Variants in PPARA observed in about 807,000 individuals in gnomAD.
PPARA encodes the protein peroxisome proliferator activated receptor alpha.
PPARA carries 22 observed loss-of-function variants against 42.2 expected under a neutral mutation model. That is an observed-to-expected ratio of 0.52 (90% CI 0.37 to 0.74). PPARA has a LOEUF of 0.74. PPARA is among the 30% of genes least tolerant of loss of function. PPARA has a pLI of 0.00. For missense variants in PPARA, 465 were observed against 608.2 expected, an observed-to-expected ratio of 0.76 and a Z score of 2.48; for synonymous variants, 242 against 239.3, an observed-to-expected ratio of 1.01 and a Z score of -0.10.
Position 46,193,830 on chromosome 22 carries a change from T to G in PPARA, c.-42-4512T>G, listed in dbSNP as rs1931871066. On this transcript the variant is annotated intron_variant, in intron 3 of 8. Transcript: ENST00000407236. This position sits in a 1 kb window ranked among gnomAD's most constrained non-coding sequence, Gnocchi z 5.3. ...AGATCTAATTCAGTGCTGTTTGCAT[T>G]GTCTTGCCTCCTGGACCAGAGGTTG... Among the ~76,000 whole-genome samples, 1 of 152,194 alleles carries G rather than the reference T, an allele frequency of 6.6e-6. No homozygotes were observed. The highest frequency in any genetic ancestry group is 1.5e-5 in the Non-Finnish European group (1 of 68,028).
chr22:46,157,049 C>G (rs1244726183), intron 2 of PPARA, among the ~76,000 whole-genome samples: 1 of 152,152 alleles, frequency 6.6e-6, no homozygotes, highest in Non-Finnish European at 1.5e-5. Flanking sequence ...GTGAATCTCC[C>G]CATGCCTGGA....
At position 46,192,665 on chromosome 22, in the gene PPARA, G is replaced by T. The variant is rs1931720433; in HGVS notation, c.-42-5677G>T. On this transcript the variant is annotated intron_variant, in intron 3 of 8. Transcript: ENST00000407236. This position sits in a 1 kb window ranked among gnomAD's most constrained non-coding sequence, Gnocchi z 4.3. ...TAAATTGGAAGGGAAATGTCAAAAA[G>T]ATACCTGCACTCTTGTTTGTTGCAA... is the stretch of plus-strand genomic sequence containing the variant. 6.6e-6 allele frequency among the ~76,000 whole-genome samples: 1 copy of T among 152,194 alleles called. No homozygotes were observed. Among genetic ancestry groups the T allele is most frequent in the Non-Finnish European group, 1.5e-5 (1 of 68,026 alleles).
At position 46,225,063 on chromosome 22, in the gene PPARA, G is replaced by T. The variant is rs1030613290; in HGVS notation, c.711+5049G>T. ...GGGTTGGAACCGGCCAGGGTGCACG[G>T]AGGAGGCTGTGGGGGCAGGGGGAGG... On this transcript the variant is annotated intron_variant, in intron 7 of 8. Coordinates refer to ENST00000407236, the MANE Select transcript of PPARA (RefSeq NM_005036.6). This position sits in a 1 kb window ranked among gnomAD's most constrained non-coding sequence, Gnocchi z 4.1. Among the ~76,000 whole-genome samples, 1 of 152,110 alleles carries T rather than the reference G, an allele frequency of 6.6e-6. No individual in the cohort carries two copies. Among genetic ancestry groups the T allele is most frequent in the Non-Finnish European group, 1.5e-5 (1 of 68,012 alleles).
chr22:46,211,011 G>A lies in PPARA; in HGVS notation c.209-4162G>A, dbSNP rs952568564. ...TCAGTGATCTTCCACTGTGGGAGGC[G>A]AGAGCAGGACTATATCCAGCTCCAT... On this transcript the variant is annotated intron_variant, in intron 4 of 8. Transcript: ENST00000407236. This position sits in a 1 kb window ranked among gnomAD's most constrained non-coding sequence, Gnocchi z 4.1. 5.3e-5 allele frequency among the ~76,000 whole-genome samples: 8 copies of A among 152,124 alleles called. No homozygotes were observed. Among genetic ancestry groups the A allele is most frequent in the Non-Finnish European group, 8.8e-5 (6 of 68,032 alleles).
At position 46,167,214 on chromosome 22, in the gene PPARA, A is replaced by G. The variant is rs1461050228; in HGVS notation, c.-126-9539A>G. On this transcript the variant is annotated intron_variant, in intron 2 of 8. Coordinates refer to ENST00000407236, the MANE Select transcript of PPARA (RefSeq NM_005036.6). This position sits in a 1 kb window ranked among gnomAD's most constrained non-coding sequence, Gnocchi z 4.1. ...ACCTCAACCTTCAGCTCACAGCACTACAAACTCATAATTATTATCATTATA... is the reference window on the plus strand; with the variant it reads ...ACCTCAACCTTCAGCTCACAGCACTGCAAACTCATAATTATTATCATTATA... Among the ~76,000 whole-genome samples, 1 of 151,678 alleles carries G rather than the reference A, an allele frequency of 6.6e-6. No homozygotes were observed. Among genetic ancestry groups the G allele is most frequent in the East Asian group, 1.9e-4 (1 of 5,198 alleles).
At position 46,200,181 on chromosome 22, in the gene PPARA, A is replaced by C. The variant is rs907412299; in HGVS notation, c.208+1590A>C. Among the ~76,000 whole-genome samples, 3 of 152,296 alleles carry C rather than the reference A, an allele frequency of 2.0e-5. No homozygotes were observed. The South Asian group carries it at 6.2e-4, about 32-fold the overall frequency. On this transcript the variant is annotated intron_variant, in intron 4 of 8. Transcript: ENST00000407236. The surrounding 1 kb of genome is among the most constrained non-coding windows in gnomAD (Gnocchi z 4.8). ...TCCCATGGGGACTGTAATTCTCTCT[A>C]GGTTGTATATTTTTAAAAGACTTCA...
At chr22:46,169,531 G>A (rs912137441) in intron 2 of PPARA, among the ~76,000 whole-genome samples, 2 of 151,894 alleles carry the variant, frequency 1.3e-5, no homozygotes, top group African/African-American at 4.8e-5. Flanking sequence ...ATCACGCCCG[G>A]CCACCAATGC....
intron 2 of PPARA, among the ~76,000 whole-genome samples, chr22:46,152,284 G>T (rs539679991): frequency 1.1e-3 from 171 of 152,006 alleles, no homozygotes; most frequent in African/African-American, 3.7e-3. Flanking sequence ...GATTACAGGC[G>T]CCTGCCACCA....
At position 46,240,087 on chromosome 22, in the gene PPARA, G is replaced by A. The variant is rs1208715722; in HGVS notation, c.*4707G>A. 5 of 398,656 alleles carry A rather than the reference G, an allele frequency of 1.3e-5. No individual in the cohort carries two copies. The highest frequency in any genetic ancestry group is 6.2e-4 in the Middle Eastern group (1 of 1,610). 24.7% of individuals were successfully genotyped at this position (398,656 alleles called of 1,614,324 possible). A position where few individuals can be genotyped will look rare whatever the true frequency, so the allele number is the denominator to read the frequency against. ...TTGGTGGGGGGCTTCCTGGGGCCTG[G>A]GGAAAGCTGGCCACCTTCAACAGCT... On this transcript the variant is annotated 3_prime_UTR_variant, in exon 9 of 9. Coordinates refer to ENST00000407236, the MANE Select transcript of PPARA (RefSeq NM_005036.6). This position sits in a 1 kb window ranked among gnomAD's most constrained non-coding sequence, Gnocchi z 6.0.
intron 5 of PPARA, among the ~76,000 whole-genome samples, chr22:46,217,796 C>T (rs368152595): frequency 6.2e-4 from 84 of 136,130 alleles, no homozygotes; most frequent in African/African-American, 2.3e-3. Context: ...TCATTCCAGA[C>T]TTCTTAGAAG....
In PPARA at chr22:46,212,571, A is replaced by G. The variant is rs1014741483; in HGVS notation, c.209-2602A>G. Among the ~76,000 whole-genome samples the G allele has an allele frequency of 6.6e-6, 1 of 152,234 alleles. No homozygotes were observed. Reference sequence around the variant, plus strand: ...TCATAGCAATATGCATTTAAGAGTCATCCATGTCTTTCCATGGCTTGATAT... The same window carrying G: ...TCATAGCAATATGCATTTAAGAGTCGTCCATGTCTTTCCATGGCTTGATAT... On this transcript the variant is annotated intron_variant, in intron 4 of 8. Transcript: ENST00000407236. The surrounding 1 kb of genome is among the most constrained non-coding windows in gnomAD (Gnocchi z 4.2).
rs574565573 is a variant in PPARA, at chr22:46,227,313, G to A, written c.712-4479G>A. ...CTTGCCCAGGCTGGAGTGCAGTGGC[G>A]CAATCTCAGCTCACTGCAACCTCCC... On this transcript the variant is annotated intron_variant, in intron 7 of 8. Coordinates refer to ENST00000407236, the MANE Select transcript of PPARA (RefSeq NM_005036.6). This position sits in a 1 kb window ranked among gnomAD's most constrained non-coding sequence, Gnocchi z 4.3. Among the ~76,000 whole-genome samples, 6 of 152,040 alleles carry A rather than the reference G, an allele frequency of 3.9e-5. No homozygotes were observed. The highest frequency in any genetic ancestry group is 9.7e-5 in the African/African-American group (4 of 41,424).
At chr22:46,152,862 A>G (rs1462465894) in intron 2 of PPARA, among the ~76,000 whole-genome samples, 3 of 152,162 alleles carry the variant, frequency 2.0e-5, no homozygotes, top group Non-Finnish European at 4.4e-5. Context: ...GGGTGGGCAG[A>G]TCGCTTGAGG....
rs768585759 is a variant in PPARA, at chr22:46,191,713, A to G, written c.-42-6629A>G. On this transcript the variant is annotated intron_variant, in intron 3 of 8. Coordinates refer to ENST00000407236, the MANE Select transcript of PPARA (RefSeq NM_005036.6). The surrounding 1 kb of genome is among the most constrained non-coding windows in gnomAD (Gnocchi z 4.6). ...GAGCTGAGGTGAATTCTCACAGACC[A>G]TCACTGGGTTACTCCTGGAGTAAGT... Among the ~76,000 whole-genome samples, 8 of 152,188 alleles carry G rather than the reference A, an allele frequency of 5.3e-5. No homozygotes were observed. The highest frequency in any genetic ancestry group is 1.2e-4 in the Non-Finnish European group (8 of 68,034).
chr22:46,172,329 A>C (rs1251299813), intron 2 of PPARA, among the ~76,000 whole-genome samples: 2 of 151,700 alleles, frequency 1.3e-5, no homozygotes, highest in Admixed American at 6.6e-5. Flanking sequence ...AAAAAAAAAA[A>C]AAAAAAAAAA....
At chr22:46,176,608 G>A (rs1269931884) in intron 2 of PPARA, 145 bp from the exon 3 acceptor site, 3 of 152,200 alleles carry the variant, frequency 2.0e-5, no homozygotes, top group Non-Finnish European at 4.4e-5. Flanking sequence ...CAAAGACATG[G>A]TCTGTCTAGG....
chr22:46,151,650 C>G (rs1279816682), intron 1 of PPARA, among the ~76,000 whole-genome samples: 1 of 152,266 alleles, frequency 6.6e-6, no homozygotes, highest in Admixed American at 6.5e-5. Flanking sequence ...CCCACGTCAG[C>G]CTCAGCCGAC....
Position 46,229,716 on chromosome 22 carries a change from ATCGGAC to A in PPARA, c.712-2074_712-2069del, listed in dbSNP as rs547111961. 8.7e-4 allele frequency among the ~76,000 whole-genome samples: 132 copies of A among 152,332 alleles called. 3 individuals carry two copies. The South Asian group carries it at 9.3e-3, about 11-fold the overall frequency. On this transcript the variant is annotated intron_variant, in intron 7 of 8. Coordinates refer to ENST00000407236, the MANE Select transcript of PPARA (RefSeq NM_005036.6). ...GAGAGATCATTTTCAGTCTTTATTA[ATCGGAC>A]TTGAGATTATTTAGAAACTTGGCTC... is the stretch of plus-strand genomic sequence containing the variant.
chr22:46,174,058 G>A (rs947711861), intron 2 of PPARA, among the ~76,000 whole-genome samples: 4 of 142,354 alleles, frequency 2.8e-5, no homozygotes, highest in East Asian at 4.0e-4. Context: ...CACGTCTGTA[G>A]TCCCAGCTAC....
Sources: gnomAD v4.1 joint callset for allele counts (sites outside exome capture counted in the v4.1 genomes callset) on GRCh38, gnomAD v4.1.1 for gene constraint, Gnocchi (gnomAD v3.1) non-coding constraint, MANE v1.5 for transcripts, NCBI Gene and HGNC (gene_info 2026-07-23, HGNC 2026-07-21) for gene names.